AZIN2: variants seen among roughly 807,000 people sequenced by gnomAD.
The protein encoded by AZIN2 is antizyme inhibitor 2.
In AZIN2, 28 loss-of-function variants were observed where a neutral mutation model predicts 47.8. The ratio of observed to expected loss-of-function variants is 0.59; its 90% CI spans 0.43 to 0.80. AZIN2 has a LOEUF of 0.80. Among genes scored for constraint, AZIN2 ranks in the 30% least tolerant of loss-of-function variants. The probability of loss-of-function intolerance (pLI) is 0.00; values close to 1 mark genes in which losing one functional copy is unlikely to be tolerated. For synonymous variants in AZIN2, 221 were observed against 239.4 expected (o/e 0.92, Z 0.71); for missense variants, 535 against 582.5 (o/e 0.92, Z 0.84).
chr1:33,148,995 C>T, the AZIN2 span, among the ~76,000 whole-genome samples: 1 of 152,172 alleles, frequency 6.6e-6, no homozygotes, highest in African/African-American at 2.4e-5. Context: ...CACTTAGGTC[C>T]AAAGCCTCTG....
At chr1:33,140,301 G>A in the AZIN2 span, among the ~76,000 whole-genome samples, 1 of 152,224 alleles carries the variant, frequency 6.6e-6, no homozygotes, top group Non-Finnish European at 1.5e-5. This position sits in a 1 kb window ranked among gnomAD's most constrained non-coding sequence, Gnocchi z 4.0. Flanking sequence ...GCCCCACCCT[G>A]GTGAGAGGCA....
intron 4 of AZIN2, chr1:33,083,395 T>C: frequency 5.6e-6 from 1 of 177,262 alleles, no homozygotes; most frequent in Non-Finnish European, 1.2e-5. Context: ...CAGTTGTCCA[T>C]AGGGATAGGT....
At chr1:33,147,661 G>A in the AZIN2 span, 3 of 1,613,932 alleles carry the variant, frequency 1.9e-6, no homozygotes, top group Non-Finnish European at 2.5e-6. This position sits in a 1 kb window ranked among gnomAD's most constrained non-coding sequence, Gnocchi z 8.1. Flanking sequence ...AGCCACAATG[G>A]TGCAGTCGTC....
the AZIN2 span, chr1:33,147,389 G>A: frequency 9.9e-6 from 16 of 1,614,030 alleles, no homozygotes; most frequent in African/African-American, 2.7e-5. The surrounding 1 kb of genome is among the most constrained non-coding windows in gnomAD (Gnocchi z 8.1). Flanking sequence ...ACGTTAAGCC[G>A]CGTCCAGGGC....
chr1:33,129,830 G>A, the AZIN2 span, among the ~76,000 whole-genome samples: 1 of 152,156 alleles, frequency 6.6e-6, no homozygotes, highest in Non-Finnish European at 1.5e-5. The surrounding 1 kb of genome is among the most constrained non-coding windows in gnomAD (Gnocchi z 4.1). Context: ...ATTTCTGAGC[G>A]GGGGAGAGAG....
chr1:33,153,066 G>C, the AZIN2 span, among the ~76,000 whole-genome samples: 1 of 152,012 alleles, frequency 6.6e-6, no homozygotes, highest in Non-Finnish European at 1.5e-5. Flanking sequence ...GAGGGTGGAA[G>C]TGCCAGAGCA....
At chr1:33,090,515 C>T (rs368245850) in intron 5 of AZIN2, among the ~76,000 whole-genome samples, 75 of 152,336 alleles carry the variant, frequency 4.9e-4, no homozygotes, top group African/African-American at 1.8e-3. Context: ...GGGGTGATCT[C>T]TGTCCAAAAG....
At chr1:33,146,868 G>T in the AZIN2 span, 1 of 393,478 alleles carries the variant, frequency 2.5e-6, no homozygotes, top group Non-Finnish European at 4.7e-6. Context: ...ACACTGGAAG[G>T]TAGTCCCCTG....
At chr1:33,082,665 T>C in intron 4 of AZIN2, 1 of 254,832 alleles carries the variant, frequency 3.9e-6, no homozygotes, top group Non-Finnish European at 7.6e-6. Context: ...TAAATAAGCC[T>C]CCAGTGTGCT....
Position 33,113,610 on chromosome 1 carries a change from C to T in AZIN2, c.1030-4292C>T, listed in dbSNP as rs192913169. On this transcript the variant is annotated intron_variant, in intron 10 of 11. Coordinates refer to ENST00000294517, the MANE Select transcript of AZIN2 (RefSeq NM_052998.4). This position sits in a 1 kb window ranked among gnomAD's most constrained non-coding sequence, Gnocchi z 4.1. Reference sequence around the variant, plus strand: ...GGGAATGATGACAGAAAGCTTCAGACTTGGAATCAGAAGACATGGGTTTGA... The same window carrying T: ...GGGAATGATGACAGAAAGCTTCAGATTTGGAATCAGAAGACATGGGTTTGA... Among the ~76,000 whole-genome samples, 157 of 152,318 alleles carry T rather than the reference C, an allele frequency of 1.0e-3. 1 individual carries two copies. Among genetic ancestry groups the T allele is most frequent in the Admixed American group, 9.3e-3 (142 of 15,304 alleles).
In AZIN2 at chr1:33,123,063, A is replaced by G. The variant is rs1644824338; in HGVS notation, c.*2881A>G. On this transcript the variant is annotated 3_prime_UTR_variant, in exon 12 of 12. Coordinates refer to ENST00000294517, the MANE Select transcript of AZIN2 (RefSeq NM_052998.4). ...CTGGCCTCCCCTCTGTTCTTCAAAC[A>G]CTCCACTGCTGGGCATGCATTTACT... 6.6e-6 allele frequency among the ~76,000 whole-genome samples: 1 copy of G among 151,962 alleles called. No homozygotes were observed. Among genetic ancestry groups the G allele is most frequent in the African/African-American group, 2.4e-5 (1 of 41,376 alleles).
chr1:33,093,494 AC>A, intron 7 of AZIN2, 78 bp downstream of exon 7: 1 of 1,533,610 alleles, frequency 6.5e-7, no homozygotes, highest in Non-Finnish European at 8.8e-7. Flanking sequence ...TCTATATGAG[AC>A]CTTCCCCAGG....
At chr1:33,114,702 G>A (rs1393587128) in intron 10 of AZIN2, among the ~76,000 whole-genome samples, 6 of 140,912 alleles carry the variant, frequency 4.3e-5, no homozygotes, top group Non-Finnish European at 9.1e-5. Flanking sequence ...TGTCACCCAG[G>A]CTGGAGTGCA....
In AZIN2 at chr1:33,081,815, G is replaced by GCCACC. The variant is rs1641289946; in HGVS notation, c.-73+3_-73+4insCCACC. ...TGTGGCCACCGGCTACCCTCTAGGT[G>GCCACC]GGCGTGGTCAAGACTGGGGGCGCCC... On this transcript the variant is annotated splice_donor_region_variant and intron_variant, in intron 3 of 11. Coordinates refer to ENST00000294517, the MANE Select transcript of AZIN2 (RefSeq NM_052998.4). The surrounding 1 kb of genome is among the most constrained non-coding windows in gnomAD (Gnocchi z 4.2). 1 of 264,910 alleles carries GCCACC rather than the reference G, an allele frequency of 3.8e-6. No homozygotes were observed. Among genetic ancestry groups the GCCACC allele is most frequent in the African/African-American group, 2.3e-5 (1 of 42,932 alleles). The allele number at this position is 264,910 out of a possible 1,614,324, so 16.4% of individuals were successfully genotyped here. A position where few individuals can be genotyped will look rare whatever the true frequency, so the allele number is the denominator to read the frequency against.
At chr1:33,150,488 CCT>C in the AZIN2 span, among the ~76,000 whole-genome samples, 1 of 152,208 alleles carries the variant, frequency 6.6e-6, no homozygotes, top group Non-Finnish European at 1.5e-5. Context: ...TGCATTTTAC[CCT>C]CTTTGTTTCT....
the AZIN2 span, among the ~76,000 whole-genome samples, chr1:33,143,488 C>A: frequency 6.6e-6 from 1 of 152,142 alleles, no homozygotes; most frequent in East Asian, 1.9e-4. Context: ...CTCAGAATCA[C>A]CCCAGTCACT....
At chr1:33,125,063 G>A (rs543862291), downstream of AZIN2, among the ~76,000 whole-genome samples, 22 of 152,294 alleles carry the variant, frequency 1.4e-4, no homozygotes, top group African/African-American at 5.3e-4. Flanking sequence ...AGGAAACTTT[G>A]AGGAGGTCAG....
chr1:33,099,741 C>T (rs773521243), intron 10 of AZIN2, among the ~76,000 whole-genome samples: 32 of 152,306 alleles, frequency 2.1e-4, no homozygotes, highest in Admixed American at 1.1e-3. Context: ...AACGATGCTG[C>T]GGTTTCTTCC....
At chr1:33,128,038 A>G (rs1351049470), downstream of AZIN2, among the ~76,000 whole-genome samples, 1 of 152,088 alleles carries the variant, frequency 6.6e-6, no homozygotes, top group African/African-American at 2.4e-5. Context: ...AATAGTATCT[A>G]CCTTATACCA....
Sources: allele counts gnomAD v4.1 joint callset (sites outside exome capture counted in the v4.1 genomes callset), GRCh38; gene constraint gnomAD v4.1.1; non-coding constraint Gnocchi (gnomAD v3.1); transcripts MANE v1.5; gene names NCBI Gene and HGNC (gene_info 2026-07-23, HGNC 2026-07-21).